DLG5: variants seen among roughly 807,000 people sequenced by gnomAD.
DLG5 encodes disks large homolog 5.
In DLG5, 48 loss-of-function variants were observed where a neutral mutation model predicts 189.8. The observed-to-expected ratio is 0.25, with a 90% CI of 0.20 to 0.32. The LOEUF (loss-of-function observed/expected upper bound fraction) is 0.32, where lower values mean the gene tolerates loss of function less well. DLG5 is among the 10% of genes least tolerant of loss of function. The pLI, the probability that DLG5 is intolerant of heterozygous loss-of-function variation, is 1.00. For missense variants in DLG5, 2,160 were observed against 2,544.7 expected (o/e 0.85, Z 3.25); for synonymous variants, 1,016 against 1,054.1 (o/e 0.96, Z 0.70).
At chr10:77,804,911 T>C (rs1217477175) in intron 27 of DLG5, among the ~76,000 whole-genome samples, 1 of 152,146 alleles carries the variant, frequency 6.6e-6, no homozygotes, top group East Asian at 1.9e-4. Context: ...CCCTCCATTC[T>C]TCCTCAGTAA....
chr10:77,896,474 G>A (rs1168375192), intron 1 of DLG5, among the ~76,000 whole-genome samples: 1 of 152,182 alleles, frequency 6.6e-6, no homozygotes, highest in African/African-American at 2.4e-5. Context: ...CTGTCCTGAT[G>A]TCCACAACTT....
intron 26 of DLG5, 42 bp downstream of exon 26, chr10:77,806,716 C>A: frequency 7.3e-7 from 1 of 1,368,438 alleles, no homozygotes; most frequent in Non-Finnish European, 1.0e-6. Flanking sequence ...TGGCCCTCGG[C>A]GACCCCTGCC....
chr10:77,846,201 C>T (rs900919229), intron 5 of DLG5, among the ~76,000 whole-genome samples: 2 of 151,384 alleles, frequency 1.3e-5, no homozygotes, highest in Admixed American at 6.6e-5. Context: ...GCCGAGATCA[C>T]GCCATGGCAC....
intron 24 of DLG5, 44 bp from the exon 25 acceptor site, chr10:77,807,988 G>A: frequency 1.2e-6 from 2 of 1,610,400 alleles, no homozygotes; most frequent in Non-Finnish European, 1.7e-6. Flanking sequence ...AGAAGCCAGG[G>A]GGCAGCTTGG....
chr10:77,817,686 G>C (rs1842129375), intron 18 of DLG5, 91 bp downstream of exon 18: 2 of 1,161,112 alleles, frequency 1.7e-6, no homozygotes, highest in Admixed American at 2.2e-5. Context: ...GCTCGTGTGG[G>C]GAGCCCACCC....
rs369806206 is a variant in DLG5 at position 77,891,671 on chromosome 10, C to G, written c.305-22474G>C. On this transcript the variant is annotated intron_variant, in intron 1 of 31. Transcript: ENST00000372391. ...TTCCCAAAAGCCACATTCCCTCCAA[C>G]CCCGCTACACATCACTCCCACAGGA... is the stretch of plus-strand genomic sequence containing the variant. Among the ~76,000 whole-genome samples the G allele has an allele frequency of 2.0e-5, 3 of 152,172 alleles. No homozygotes were observed. The East Asian group carries it at 5.8e-4, about 29-fold the overall frequency.
intron 1 of DLG5, among the ~76,000 whole-genome samples, chr10:77,896,257 T>C (rs893021444): frequency 1.3e-5 from 2 of 152,320 alleles, no homozygotes; most frequent in East Asian, 1.9e-4. Flanking sequence ...AACGTTAGCA[T>C]AACAACCAGT....
chr10:77,869,187 G>A lies in DLG5; in HGVS notation c.315C>T (p.Tyr105=). 1.9e-6 allele frequency: 3 copies of A among 1,613,794 alleles called. No homozygotes were observed. Among genetic ancestry groups the A allele is most frequent in the Non-Finnish European group, 2.5e-6 (3 of 1,179,876 alleles). ...CTGAGGGCATGGTGGACAGGACGCT[G>A]TAGGTAGAACCTGGGGAAAGAGGGG... The part of the protein sequence containing the change: ...PQPAEGAGST[Y]SVLSTMPSDS... The change falls in exon 2 of 32, where the codon TAC becomes TAT. Residue 105 remains tyrosine (Y), a synonymous_variant. Transcript: ENST00000372391.
chr10:77,868,150 C>G (rs2154577024), intron 2 of DLG5: 1 of 453,592 alleles, frequency 2.2e-6, no homozygotes, highest in East Asian at 7.0e-5. Flanking sequence ...CAATCAATTT[C>G]TGCTGTGTAA....
At chr10:77,818,895 G>C (rs1168163923) in intron 17 of DLG5, among the ~76,000 whole-genome samples, 1 of 152,178 alleles carries the variant, frequency 6.6e-6, no homozygotes, top group African/African-American at 2.4e-5. Context: ...ACCAAGGCAT[G>C]TAGTAGGTGC....
chr10:77,805,359 G>A (rs745631754), intron 27 of DLG5, among the ~76,000 whole-genome samples: 1 of 152,126 alleles, frequency 6.6e-6, no homozygotes, highest in African/African-American at 2.4e-5. Flanking sequence ...GATAGCTGCT[G>A]AAAGAGGCAC....
At chr10:77,809,803 G>T in intron 23 of DLG5, 73 bp from the exon 24 acceptor site, 2 of 1,503,292 alleles carry the variant, frequency 1.3e-6, no homozygotes, top group Middle Eastern at 1.8e-4. Flanking sequence ...AGTGGCCAAT[G>T]CCCTAACCGC....
chr10:77,871,434 C>T (rs900331814), intron 1 of DLG5, among the ~76,000 whole-genome samples: 4 of 152,026 alleles, frequency 2.6e-5, no homozygotes, highest in South Asian at 2.1e-4. Flanking sequence ...ATGAATAACC[C>T]ATGCTCCACC....
chr10:77,926,176 G>A lies in DLG5; in HGVS notation c.304+41C>T, dbSNP rs766058782. On this transcript the variant is annotated intron_variant, in intron 1 of 31. Transcript: ENST00000372391. This position sits in a 1 kb window ranked among gnomAD's most constrained non-coding sequence, Gnocchi z 5.2. ...TCGGCCAGCAGGAGGGAGAAGCGGA[G>A]GGCGCGTCCCAGAGGCGGGGGCCAA... 17 of 1,334,094 alleles carry A rather than the reference G, an allele frequency of 1.3e-5. No homozygotes were observed. Among genetic ancestry groups the A allele is most frequent in the Admixed American group, 3.5e-5 (1 of 28,696 alleles). 82.6% of individuals were successfully genotyped at this position (1,334,094 alleles called of 1,614,324 possible). A position where few individuals can be genotyped will look rare whatever the true frequency, so the allele number is the denominator to read the frequency against.
intron 1 of DLG5, among the ~76,000 whole-genome samples, chr10:77,917,541 A>T (rs1031848063): frequency 6.6e-6 from 1 of 151,850 alleles, no homozygotes. Flanking sequence ...AAAAAAGAAG[A>T]AAGAGAGAGA....
intron 23 of DLG5, 111 bp downstream of exon 23, chr10:77,810,983 G>A (rs561095716): frequency 4.1e-5 from 56 of 1,369,208 alleles, no homozygotes; most frequent in African/African-American, 2.7e-4. Flanking sequence ...CCTGGTGTGC[G>A]GCCTGCAGCA....
intron 1 of DLG5, among the ~76,000 whole-genome samples, chr10:77,897,390 T>A (rs1845793449): frequency 6.6e-6 from 1 of 151,790 alleles, no homozygotes; most frequent in Non-Finnish European, 1.5e-5. Context: ...AATAAATAAT[T>A]TTTGCTATTT....
chr10:77,854,152 T>C (rs996542924), intron 4 of DLG5, 75 bp downstream of exon 4: 63 of 1,554,450 alleles, frequency 4.1e-5, no homozygotes, highest in Admixed American at 9.1e-5. Flanking sequence ...CCCTGGCTAC[T>C]AAGTCCAGAG....
chr10:77,899,665 C>T (rs996094256), intron 1 of DLG5, among the ~76,000 whole-genome samples: 3 of 152,192 alleles, frequency 2.0e-5, no homozygotes, highest in African/African-American at 4.8e-5. Flanking sequence ...CATGACCAGA[C>T]TTGTGCTCAG....
Sources: allele counts gnomAD v4.1 joint callset (sites outside exome capture counted in the v4.1 genomes callset), GRCh38; gene constraint gnomAD v4.1.1; non-coding constraint Gnocchi (gnomAD v3.1); transcripts MANE v1.5; gene names NCBI Gene and HGNC (gene_info 2026-07-23, HGNC 2026-07-21).